The following DAB1 variants were observed in gnomAD, a reference collection of about 807,000 sequenced individuals.
DAB1 encodes disabled homolog 1.
Under a neutral mutation model 64.6 loss-of-function variants are expected in DAB1, and 15 were observed. That is an observed-to-expected ratio of 0.23 (90% CI 0.16 to 0.36). The LOEUF (loss-of-function observed/expected upper bound fraction) is 0.36, where lower values mean the gene tolerates loss of function less well. Among genes scored for constraint, DAB1 ranks in the 10% least tolerant of loss-of-function variants. The pLI, the probability that DAB1 is intolerant of heterozygous loss-of-function variation, is 1.00. For missense variants in DAB1, 596 were observed against 706.7 expected, an observed-to-expected ratio of 0.84 and a Z score of 1.78; for synonymous variants, 235 against 251.9, an observed-to-expected ratio of 0.93 and a Z score of 0.64.
At chr1:57,687,092 A>G (rs1646706640) in intron 6 of DAB1, among the ~76,000 whole-genome samples, 4 of 152,168 alleles carry the variant, frequency 2.6e-5, no homozygotes, top group Admixed American at 2.6e-4. Flanking sequence ...TAGAATAAGA[A>G]AAAGTGAAAC....
chr1:57,647,827 C>A (rs1460354195), intron 7 of DAB1, among the ~76,000 whole-genome samples: 1 of 152,120 alleles, frequency 6.6e-6, no homozygotes, highest in Non-Finnish European at 1.5e-5. Flanking sequence ...TTGGATAGGG[C>A]CTCACAGGGG....
intron 5 of DAB1, among the ~76,000 whole-genome samples, chr1:57,990,429 A>G (rs568608675): frequency 3.2e-4 from 48 of 152,352 alleles, no homozygotes; most frequent in Admixed American, 8.5e-4. Flanking sequence ...TCCATTTGTT[A>G]GTTCCCTTCC....
At chr1:57,494,165 T>C (rs1644200442) in intron 7 of DAB1, among the ~76,000 whole-genome samples, 1 of 152,138 alleles carries the variant, frequency 6.6e-6, no homozygotes, top group African/African-American at 2.4e-5. Flanking sequence ...TTAAAATCCA[T>C]AATGGGAAAG....
At chr1:57,261,885 G>A (rs912782779) in intron 2 of DAB1, among the ~76,000 whole-genome samples, 2 of 152,214 alleles carry the variant, frequency 1.3e-5, no homozygotes, top group African/African-American at 4.8e-5. Flanking sequence ...TTGCTATTAT[G>A]TATGGAAGAC....
chr1:57,216,096 A>T (rs939886933), intron 2 of DAB1, among the ~76,000 whole-genome samples: 2 of 151,968 alleles, frequency 1.3e-5, no homozygotes, highest in African/African-American at 4.8e-5. Flanking sequence ...TGTGGTTTGC[A>T]TGGGTGTGTT....
rs571221575 is a variant in DAB1, at chr1:57,288,073, GGCGTGA to G, written c.67+2885_67+2890del. Among the ~76,000 whole-genome samples, 393 of 152,306 alleles carry G rather than the reference GGCGTGA, an allele frequency of 2.6e-3. 2 individuals carry two copies. Among genetic ancestry groups the G allele is most frequent in the Non-Finnish European group, 4.5e-3 (308 of 68,030 alleles). Reference sequence around the variant, plus strand: ...AGCCTCCGAAAGTGCAGGGATTACAGGCGTGAGCCACTACGCCCAGCCCTTCTCTCT... The same window carrying G: ...AGCCTCCGAAAGTGCAGGGATTACAGGCCACTACGCCCAGCCCTTCTCTCT... On this transcript the variant is annotated intron_variant, in intron 2 of 14. Transcript: ENST00000371236.
rs567618869 is a variant in DAB1, at chr1:58,055,239, T to C, written n.387+95272A>G. ...GGCTCCTGTTACCTCTCTGATCTCA[T>C]CACACTCAGTTCCTAGCATGCACAT... On this transcript the variant is annotated intron_variant and non_coding_transcript_variant, in intron 5 of 20. Coordinates refer to the DAB1 transcript ENST00000485760. Among the ~76,000 whole-genome samples the C allele has an allele frequency of 5.3e-5, 8 of 152,320 alleles. No homozygotes were observed. In the East Asian group the frequency reaches 1.5e-3, roughly 29 times the overall value.
chr1:58,309,195 A>T, intron 4 of DAB1, among the ~76,000 whole-genome samples: 1 of 152,160 alleles, frequency 6.6e-6, no homozygotes, highest in Non-Finnish European at 1.5e-5. Context: ...AGCAGATATA[A>T]ATGTTCCATA....
intron 1 of DAB1, among the ~76,000 whole-genome samples, chr1:58,546,462 C>T (rs1198102356): frequency 6.6e-6 from 1 of 151,756 alleles, no homozygotes; most frequent in African/African-American, 2.4e-5. Context: ...GAACCGGGCT[C>T]CCCCAGGACA....
rs184270963 is a variant in DAB1, at chr1:57,377,582, A to C, written c.-137+46348T>G. On this transcript the variant is annotated intron_variant, in intron 1 of 14. Coordinates refer to ENST00000371236, the MANE Select transcript of DAB1 (RefSeq NM_001365792.1). The stretch of plus-strand genomic sequence containing the variant: ...AAGGGTATATTTGAAAGTCAAACAG[A>C]ACTACAAATTAGGCAATGCAGAGGA... Among the ~76,000 whole-genome samples, 33 of 152,302 alleles carry C rather than the reference A, an allele frequency of 2.2e-4. 1 individual carries two copies. Among genetic ancestry groups the C allele is most frequent in the Admixed American group, 2.1e-3 (32 of 15,298 alleles).
chr1:57,243,096 C>A (rs934014129), intron 2 of DAB1, among the ~76,000 whole-genome samples: 7 of 152,192 alleles, frequency 4.6e-5, no homozygotes, highest in African/African-American at 1.7e-4. Flanking sequence ...CTGCCTAACT[C>A]CAGTTTATGT....
intron 6 of DAB1, among the ~76,000 whole-genome samples, chr1:57,660,169 C>T (rs74584644): frequency 6.6e-6 from 1 of 152,114 alleles, no homozygotes; most frequent in Non-Finnish European, 1.5e-5. Flanking sequence ...CAATACTCAG[C>T]AAATAAAATG....
rs185541042 is a variant in DAB1 at position 57,077,906 on chromosome 1, G to A, written c.307-5492C>T. On this transcript the variant is annotated intron_variant, in intron 4 of 14. Transcript: ENST00000371236. ...TATTCACAGGAAAAATACCCAACAG[G>A]AATCAAGTGAGTTAACAACAAAACA... Among the ~76,000 whole-genome samples the A allele has an allele frequency of 4.6e-3, 697 of 151,942 alleles. 2 individuals carry two copies. Among genetic ancestry groups the A allele is most frequent in the Non-Finnish European group, 7.2e-3 (491 of 67,976 alleles).
At chr1:57,374,619 T>C (rs915784177) in intron 1 of DAB1, among the ~76,000 whole-genome samples, 2 of 152,206 alleles carry the variant, frequency 1.3e-5, no homozygotes, top group Admixed American at 1.3e-4. Context: ...CCTAGACAAT[T>C]CTTTCTTCAT....
intron 5 of DAB1, among the ~76,000 whole-genome samples, chr1:58,037,242 T>C (rs936255796): frequency 2.0e-5 from 3 of 152,146 alleles, no homozygotes; most frequent in Non-Finnish European, 2.9e-5. Flanking sequence ...TATTTATCCT[T>C]AGAGGCAGAC....
intron 1 of DAB1, among the ~76,000 whole-genome samples, chr1:57,833,087 T>C (rs188119526): frequency 3.3e-5 from 5 of 151,688 alleles, no homozygotes; most frequent in Admixed American, 2.6e-4. Flanking sequence ...AAAAATCCTA[T>C]GCTTACAGTA....
chr1:58,173,210 G>C (rs1656274229), intron 4 of DAB1, among the ~76,000 whole-genome samples: 1 of 152,206 alleles, frequency 6.6e-6, no homozygotes, highest in African/African-American at 2.4e-5. Context: ...CAGGGGTATA[G>C]TTTTCTCCCC....
chr1:57,921,828 C>T (rs927444111), intron 5 of DAB1, among the ~76,000 whole-genome samples: 3 of 152,276 alleles, frequency 2.0e-5, no homozygotes, highest in Middle Eastern at 6.8e-3. Flanking sequence ...AAAATTCCCA[C>T]CATGGCCTCT....
Position 57,193,381 on chromosome 1 carries a change from G to GTTTTTTTTTTTTT in DAB1, c.68-47965_68-47953dup, listed in dbSNP as rs999329119. ...CCTTCCAGATTCATCCGTAGCATAT[G>GTTTTTTTTTTTTT]TTTTTTTTTTTTTTTTTTTTTTTGA... On this transcript the variant is annotated intron_variant, in intron 2 of 14. Coordinates refer to ENST00000371236, the MANE Select transcript of DAB1 (RefSeq NM_001365792.1). Among the ~76,000 whole-genome samples the GTTTTTTTTTTTTT allele has an allele frequency of 6.1e-4, 51 of 83,070 alleles. 9 individuals carry two copies. Among genetic ancestry groups the GTTTTTTTTTTTTT allele is most frequent in the Admixed American group, 7.4e-4 (4 of 5,370 alleles). The allele number at this position is 83,070 out of a possible 152,430, so 54.5% of individuals were successfully genotyped here. A position where few individuals can be genotyped will look rare whatever the true frequency, so the allele number is the denominator to read the frequency against.
Sources: gnomAD v4.1 joint callset for allele counts (sites outside exome capture counted in the v4.1 genomes callset) on GRCh38, gnomAD v4.1.1 for gene constraint, MANE v1.5 for transcripts, NCBI Gene and HGNC (gene_info 2026-07-23, HGNC 2026-07-21) for gene names.